The following CCSER2 variants were observed in gnomAD, a reference collection of about 807,000 sequenced individuals.
CCSER2 encodes serine-rich coiled-coil domain-containing protein 2.
Under a neutral mutation model 92.3 loss-of-function variants are expected in CCSER2, and 46 were observed. The observed-to-expected ratio is 0.50, with a 90% CI of 0.39 to 0.64. The LOEUF (loss-of-function observed/expected upper bound fraction) is 0.64, where lower values mean the gene tolerates loss of function less well. CCSER2 is among the 30% of genes least tolerant of loss of function. The pLI, the probability that CCSER2 is intolerant of heterozygous loss-of-function variation, is 0.00. For synonymous variants in CCSER2, 433 were observed against 431.4 expected, an observed-to-expected ratio of 1.00 and a Z score of -0.04; for missense variants, 1,244 against 1,238.9, an observed-to-expected ratio of 1.00 and a Z score of -0.06.
chr10:84,332,415 TATA>T (rs1843612983), intron 1 of CCSER2, among the ~76,000 whole-genome samples: 36 of 76,444 alleles, frequency 4.7e-4, no homozygotes, highest in African/African-American at 2.5e-3. Flanking sequence ...TATTTTTTTA[TATA>T]TATATATATA....
At chr10:84,414,046 A>G (rs1842778302) in intron 3 of CCSER2, among the ~76,000 whole-genome samples, 1 of 152,000 alleles carries the variant, frequency 6.6e-6, no homozygotes, top group Admixed American at 6.6e-5. Flanking sequence ...GTGTCTTTGT[A>G]TGTGAGATGG....
intron 5 of CCSER2, 108 bp downstream of exon 5, chr10:84,426,001 A>G: frequency 1.4e-6 from 1 of 692,120 alleles, no homozygotes; most frequent in Non-Finnish European, 2.2e-6. Flanking sequence ...GTTTGTTTTT[A>G]GAGGCACCAA....
intron 6 of CCSER2, 99 bp downstream of exon 6, chr10:84,438,806 CT>C: frequency 2.8e-6 from 2 of 718,340 alleles, no homozygotes; most frequent in Non-Finnish European, 4.5e-6. Flanking sequence ...TTTCTCATGT[CT>C]TTTTAGATTT....
intron 3 of CCSER2, among the ~76,000 whole-genome samples, chr10:84,394,828 AT>A (rs993886552): frequency 6.6e-6 from 1 of 152,058 alleles, no homozygotes; most frequent in Non-Finnish European, 1.5e-5. Context: ...TTTTCTGAAC[AT>A]TTTTTCTCAT....
chr10:84,391,541 T>A, intron 3 of CCSER2: 1 of 1,498,302 alleles, frequency 6.7e-7, no homozygotes, highest in Non-Finnish European at 9.3e-7. Flanking sequence ...AGAATTCATT[T>A]CAGTCTGCAA....
chr10:84,490,147 G>A (rs567687899), intron 9 of CCSER2, among the ~76,000 whole-genome samples: 29 of 152,256 alleles, frequency 1.9e-4, no homozygotes, highest in African/African-American at 6.3e-4. Context: ...GGGTAACCCA[G>A]CCTTTCTCTC....
chr10:84,496,499 A>G (rs1589816245), intron 9 of CCSER2, among the ~76,000 whole-genome samples: 1 of 152,066 alleles, frequency 6.6e-6, no homozygotes. Flanking sequence ...GTTAGCCAGG[A>G]TGGTCTGGAT....
chr10:84,477,277 C>T (rs76491389), intron 8 of CCSER2, among the ~76,000 whole-genome samples: 61 of 152,190 alleles, frequency 4.0e-4, no homozygotes, highest in African/African-American at 1.3e-3. Context: ...CTCTCAAACC[C>T]ACTCCCTGAA....
chr10:84,464,081 TG>T, intron 7 of CCSER2, 65 bp downstream of exon 7: 4 of 798,800 alleles, frequency 5.0e-6, no homozygotes. Flanking sequence ...AATGATACAA[TG>T]ACAATGAAAA....
intron 1 of CCSER2, among the ~76,000 whole-genome samples, chr10:84,357,942 G>A (rs1339689782): frequency 6.6e-6 from 1 of 152,184 alleles, no homozygotes; most frequent in Admixed American, 6.5e-5. Flanking sequence ...AAAGCATATA[G>A]TAGTTCTGTT....
chr10:84,384,365 C>T (rs1017122588), intron 3 of CCSER2, among the ~76,000 whole-genome samples: 1 of 152,098 alleles, frequency 6.6e-6, no homozygotes, highest in Non-Finnish European at 1.5e-5. Flanking sequence ...AACACACATG[C>T]AAAAGTCTTC....
At position 84,371,153 on chromosome 10, in the gene CCSER2, C is replaced by T; in HGVS notation, c.101C>T (p.Thr34Ile). The change falls in exon 2 of 10, where the codon ACA becomes ATA. Residue 34 changes from threonine to isoleucine, a missense_variant. Transcript: ENST00000372088. ...RSTLQPMPNG[T>I]PVNLLGTSKN... ...ACATTGCAGCCAATGCCAAATGGGA[C>T]ACCTGTTAATTTATTAGGAACTTCC... is the stretch of plus-strand genomic sequence containing the variant. 4 of 1,613,374 alleles carry T rather than the reference C, an allele frequency of 2.5e-6. No individual in the cohort carries two copies. The highest frequency in any genetic ancestry group is 2.5e-6 in the Non-Finnish European group (3 of 1,179,628).
chr10:84,408,221 T>C (rs929600818), intron 3 of CCSER2, among the ~76,000 whole-genome samples: 12 of 152,212 alleles, frequency 7.9e-5, no homozygotes, highest in African/African-American at 2.9e-4. Flanking sequence ...AAGATTATAC[T>C]TGTCCTTCAG....
At chr10:84,501,678 GCACTATCCTACAA>G (rs2131842004) in intron 9 of CCSER2, among the ~76,000 whole-genome samples, 1 of 144,092 alleles carries the variant, frequency 6.9e-6, no homozygotes, top group African/African-American at 2.5e-5. Context: ...CTGTGAAGCA[GCACTATCCTACAA>G]TTCCTACAAT....
chr10:84,474,791 T>C (rs1436922408), intron 8 of CCSER2, among the ~76,000 whole-genome samples: 1 of 152,118 alleles, frequency 6.6e-6, no homozygotes, highest in Non-Finnish European at 1.5e-5. Flanking sequence ...GCAACTCTTA[T>C]ATAAGCCCTA....
At position 84,371,895 on chromosome 10, in the gene CCSER2, T is replaced by C. The variant is rs374232381; in HGVS notation, c.843T>C (p.Asn281=). 3.7e-6 allele frequency: 6 copies of C among 1,613,750 alleles called. No individual in the cohort carries two copies. The African/African-American group carries it at 8.0e-5, about 22-fold the overall frequency. Residue 281 remains asparagine, a synonymous_variant, in exon 2 of 10, where the codon AAT becomes AAC. Coordinates refer to ENST00000372088, the MANE Select transcript of CCSER2 (RefSeq NM_001284240.2). The part of the protein sequence containing the change: ...TRNSRQPEVL[N]GNEHLGYGFN... ...ATTCCCGGCAGCCAGAAGTACTCAATGGGAATGAACATTTGGGGTATGGAT... is the reference window on the plus strand; with the variant it reads ...ATTCCCGGCAGCCAGAAGTACTCAACGGGAATGAACATTTGGGGTATGGAT...
At chr10:84,426,609 T>C (rs372163706) in intron 5 of CCSER2, among the ~76,000 whole-genome samples, 1 of 152,244 alleles carries the variant, frequency 6.6e-6, no homozygotes, top group Non-Finnish European at 1.5e-5. Context: ...GTGGAAGTTA[T>C]TAGTTTTTCC....
chr10:84,376,864 T>G (rs1846365566), intron 3 of CCSER2, among the ~76,000 whole-genome samples: 10 of 152,134 alleles, frequency 6.6e-5, no homozygotes, highest in Admixed American at 6.5e-4. Context: ...TCTGCCTTTT[T>G]GCATTTTTGC....
intron 3 of CCSER2, chr10:84,390,992 A>C: frequency 1.3e-6 from 1 of 771,098 alleles, no homozygotes. Context: ...AAATACCAGC[A>C]TAAGAACCTG....
Sources: gnomAD v4.1 joint callset for allele counts (sites outside exome capture counted in the v4.1 genomes callset) on GRCh38, gnomAD v4.1.1 for gene constraint, MANE v1.5 for transcripts, NCBI Gene and HGNC (gene_info 2026-07-23, HGNC 2026-07-21) for gene names.